Variants in FAM20C observed in about 807,000 individuals in gnomAD.
FAM20C encodes the protein FAM20C golgi associated secretory pathway kinase, also known as extracellular serine/threonine protein kinase FAM20C.
Under a neutral mutation model 51.5 loss-of-function variants are expected in FAM20C, and 40 were observed. The ratio of observed to expected loss-of-function variants is 0.78; its 90% confidence interval spans 0.60 to 1.01. The LOEUF (loss-of-function observed/expected upper bound fraction) is 1.01, where lower values mean the gene tolerates loss of function less well. Ranked by LOEUF, FAM20C falls within the 50% of genes least tolerant of loss-of-function variation. The pLI is 0.00. For missense variants in FAM20C, 861 were observed against 844.7 expected (o/e 1.02, Z -0.24); for synonymous variants, 406 against 380.6 (o/e 1.07, Z -0.78).
rs1442783416 is a variant in FAM20C, at chr7:229,029, C to T, written c.864-17386C>T. ...CCACACCCTGCCCCACCCACGCACCCCACCCCCCCACCACCAAGATGCCTC... is the reference window on the plus strand; with the variant it reads ...CCACACCCTGCCCCACCCACGCACCTCACCCCCCCACCACCAAGATGCCTC... On this transcript the variant is annotated intron_variant, in intron 3 of 9. Transcript: ENST00000313766. 1.7e-5 allele frequency: 6 copies of T among 353,648 alleles called. No individual in the cohort carries two copies. The East Asian group carries it at 4.5e-4, about 27-fold the overall frequency. 21.9% of individuals were successfully genotyped at this position (353,648 alleles called of 1,614,324 possible).
chr7:241,461 G>C (rs1229509332), intron 3 of FAM20C, among the ~76,000 whole-genome samples: 1 of 152,186 alleles, frequency 6.6e-6, no homozygotes, highest in Non-Finnish European at 1.5e-5. Flanking sequence ...TTCCCAGCCA[G>C]CCCCGCTGCA....
At position 246,537 on chromosome 7, in the gene FAM20C, G is replaced by GACAGGTGAGCCCTTCCTTC. The variant is rs1554254770; in HGVS notation, c.956+30_956+31insACAGGTGAGCCCTTCCTTC. 2,492 of 1,458,354 alleles carry GACAGGTGAGCCCTTCCTTC rather than the reference G, an allele frequency of 1.7e-3. 70 individuals carry two copies. Among genetic ancestry groups the GACAGGTGAGCCCTTCCTTC allele is most frequent in the African/African-American group, 3.2e-3 (210 of 65,014 alleles). 90.3% of individuals were successfully genotyped at this position (1,458,354 alleles called of 1,614,324 possible). ...GCCCTTCCTTCCTCCCTCCATCCGC[G>GACAGGTGAGCCCTTCCTTC]CTCCCGTGCGCTCAGACCCACCGGT... On this transcript the variant is annotated intron_variant, in intron 4 of 9. Transcript: ENST00000313766.
chr7:227,394 A>G (rs1265462599), intron 3 of FAM20C, among the ~76,000 whole-genome samples: 2 of 152,020 alleles, frequency 1.3e-5, no homozygotes, highest in South Asian at 4.1e-4. Context: ...TGCAGATTTA[A>G]GATCTCCTTA....
intron 5 of FAM20C, among the ~76,000 whole-genome samples, chr7:254,744 G>A (rs1407096759): frequency 3.9e-5 from 6 of 152,200 alleles, no homozygotes; most frequent in Non-Finnish European, 2.9e-5. Context: ...CGTACCATGA[G>A]CAGGCGGTCA....
intron 2 of FAM20C, among the ~76,000 whole-genome samples, chr7:202,396 T>C (rs371217762): frequency 2.5e-3 from 275 of 109,670 alleles, no homozygotes; most frequent in Middle Eastern, 7.4e-3. Flanking sequence ...GACATCTTCC[T>C]GTGTGCATAG....
chr7:257,170 G>C, intron 8 of FAM20C, 84 bp downstream of exon 8: 6 of 1,290,424 alleles, frequency 4.6e-6, no homozygotes, highest in Non-Finnish European at 5.4e-6. Context: ...CCCTGGGGAC[G>C]GGGGGAGCAG....
intron 5 of FAM20C, among the ~76,000 whole-genome samples, chr7:252,929 C>T (rs767796695): frequency 6.2e-4 from 94 of 152,392 alleles, no homozygotes; most frequent in Non-Finnish European, 9.3e-4. Flanking sequence ...ACAGGTCATC[C>T]GTGCACAGCT....
At chr7:226,291 TCCCTGGAGAAGACCGGCTAGGAGGGG>T (rs1232636525) in intron 3 of FAM20C, among the ~76,000 whole-genome samples, 1 of 151,798 alleles carries the variant, frequency 6.6e-6, no homozygotes, top group African/African-American at 2.4e-5. Flanking sequence ...GCTGTCTGAG[TCCCTGGAGAAGACCGGCTAGGAGGGG>T]CCCTGGAGGG....
chr7:202,695 A>G (rs1486856799), intron 2 of FAM20C, among the ~76,000 whole-genome samples: 2 of 149,648 alleles, frequency 1.3e-5, no homozygotes, highest in African/African-American at 2.5e-5. Flanking sequence ...TCCCGTGTGC[A>G]TAGCGAGGAC....
chr7:257,415 G>A (rs143103557), intron 8 of FAM20C: 6 of 272,274 alleles, frequency 2.2e-5, no homozygotes, highest in Non-Finnish European at 3.5e-5. Flanking sequence ...CTGCCTGCAC[G>A]CGGTACCTGG....
At chr7:236,217 G>A (rs1237047768) in intron 3 of FAM20C, among the ~76,000 whole-genome samples, 1 of 98,402 alleles carries the variant, frequency 1.0e-5, no homozygotes, top group South Asian at 2.8e-4. Context: ...TGGCCGAGGT[G>A]AGAGGCCGAG....
chr7:254,956 G>A (rs763686422), intron 5 of FAM20C, among the ~76,000 whole-genome samples: 14 of 152,324 alleles, frequency 9.2e-5, no homozygotes, highest in Non-Finnish European at 1.3e-4. Context: ...GTCATCGCAC[G>A]GATGGACCAT....
chr7:203,131 G>A (rs879412818), intron 2 of FAM20C, among the ~76,000 whole-genome samples: 10 of 152,140 alleles, frequency 6.6e-5, no homozygotes, highest in African/African-American at 1.2e-4. Flanking sequence ...GGATGCCCCC[G>A]CCTCAGCCGG....
intron 3 of FAM20C, among the ~76,000 whole-genome samples, chr7:211,135 C>A: frequency 8.1e-6 from 1 of 124,050 alleles, no homozygotes; most frequent in Non-Finnish European, 1.9e-5. Flanking sequence ...TCCTCCTCCC[C>A]CGTCAGCCTC....
At chr7:234,620 C>T (rs895912384) in intron 3 of FAM20C, among the ~76,000 whole-genome samples, 1 of 152,212 alleles carries the variant, frequency 6.6e-6, no homozygotes, top group Non-Finnish European at 1.5e-5. Flanking sequence ...CCGGCACCAT[C>T]GGGGCATCCC....
At chr7:250,340 A>G (rs1045530485) in intron 5 of FAM20C, among the ~76,000 whole-genome samples, 4 of 152,054 alleles carry the variant, frequency 2.6e-5, no homozygotes, top group Admixed American at 2.0e-4. Context: ...CCCATTAATA[A>G]GAGAAAAATA....
chr7:226,360 G>T (rs1787445009), intron 3 of FAM20C, among the ~76,000 whole-genome samples: 1 of 152,184 alleles, frequency 6.6e-6, no homozygotes, highest in African/African-American at 2.4e-5. Flanking sequence ...TTTGAAAACA[G>T]ATCAACGTTA....
intron 8 of FAM20C, among the ~76,000 whole-genome samples, chr7:257,815 C>A (rs796224200): frequency 6.0e-4 from 68 of 112,788 alleles, no homozygotes; most frequent in African/African-American, 1.6e-3. Flanking sequence ...GGACCCACTG[C>A]CCGGGGTGCT....
intron 3 of FAM20C, among the ~76,000 whole-genome samples, chr7:242,839 A>G (rs1787988853): frequency 6.6e-6 from 1 of 152,188 alleles, no homozygotes; most frequent in Non-Finnish European, 1.5e-5. Context: ...AGGTGACTCC[A>G]GGTGCCCACA....
Sources: gnomAD v4.1 joint callset for allele counts (sites outside exome capture counted in the v4.1 genomes callset) on GRCh38, gnomAD v4.1.1 for gene constraint, MANE v1.5 for transcripts, NCBI Gene and HGNC (gene_info 2026-07-23, HGNC 2026-07-21) for gene names.